The following KCNIP4 variants were observed in gnomAD, a reference collection of about 807,000 sequenced individuals.
KCNIP4 encodes Kv channel-interacting protein 4.
Under a neutral mutation model 34.0 loss-of-function variants are expected in KCNIP4, and 12 were observed. The ratio of observed to expected loss-of-function variants is 0.35; its 90% CI spans 0.23 to 0.57. The LOEUF is 0.57. Ranked by LOEUF, KCNIP4 falls within the 20% of genes least tolerant of loss-of-function variation. The probability of loss-of-function intolerance (pLI) is 0.83; values close to 1 mark genes in which losing one functional copy is unlikely to be tolerated. For missense variants in KCNIP4, 238 were observed against 311.7 expected (o/e 0.76, Z 1.78); for synonymous variants, 124 against 102.2 (o/e 1.21, Z -1.29).
chr4:20,732,183 T>A, intron 7 of KCNIP4, 115 bp from the exon 8 acceptor site: 1 of 708,824 alleles, frequency 1.4e-6, no homozygotes, highest in Non-Finnish European at 2.4e-6. Context: ...TTATTTCACG[T>A]GGAGGAACTG....
chr4:21,638,488 A>T (rs891926586), intron 1 of KCNIP4, among the ~76,000 whole-genome samples: 8 of 152,170 alleles, frequency 5.3e-5, no homozygotes, highest in Admixed American at 3.9e-4. Flanking sequence ...TGCCATTTCA[A>T]ATATTTTTAT....
At chr4:21,329,825 G>T (rs1715444042) in intron 1 of KCNIP4, among the ~76,000 whole-genome samples, 1 of 152,140 alleles carries the variant, frequency 6.6e-6, no homozygotes, top group South Asian at 2.1e-4. Flanking sequence ...GATAAGCATT[G>T]TTAGCCTAAT....
chr4:21,294,402 T>G (rs569577725), intron 1 of KCNIP4, among the ~76,000 whole-genome samples: 3 of 152,330 alleles, frequency 2.0e-5, no homozygotes, highest in African/African-American at 7.2e-5. Context: ...TTGGCATACC[T>G]ATTAGTTTTA....
At chr4:21,550,333 C>A (rs1738473149) in intron 1 of KCNIP4, among the ~76,000 whole-genome samples, 1 of 152,038 alleles carries the variant, frequency 6.6e-6, no homozygotes, top group Admixed American at 6.6e-5. Flanking sequence ...AAAACTTGAT[C>A]AGTCAAAGAG....
At chr4:21,077,349 C>T (rs569056376) in intron 1 of KCNIP4, among the ~76,000 whole-genome samples, 3 of 152,222 alleles carry the variant, frequency 2.0e-5, no homozygotes, top group Non-Finnish European at 2.9e-5. Context: ...GAAGAAGTTA[C>T]TACTCAGACT....
At chr4:20,848,506 A>G (rs1464620140) in intron 3 of KCNIP4, among the ~76,000 whole-genome samples, 1 of 151,594 alleles carries the variant, frequency 6.6e-6, no homozygotes, top group East Asian at 1.9e-4. Flanking sequence ...ACATAAAATA[A>G]AAAAAAATAA....
intron 1 of KCNIP4, among the ~76,000 whole-genome samples, chr4:21,396,119 A>G (rs954260860): frequency 2.4e-4 from 37 of 151,878 alleles, no homozygotes; most frequent in Admixed American, 2.2e-3. Context: ...TAGTCTATAT[A>G]TACATATATA....
chr4:21,721,828 T>C (rs1020936391), intron 1 of KCNIP4, among the ~76,000 whole-genome samples: 6 of 151,954 alleles, frequency 3.9e-5, no homozygotes, highest in African/African-American at 1.5e-4. Flanking sequence ...CCCGTCTCCA[T>C]AATAATACAC....
chr4:21,732,131 A>G (rs1187727810), intron 1 of KCNIP4, among the ~76,000 whole-genome samples: 2 of 151,896 alleles, frequency 1.3e-5, no homozygotes, highest in African/African-American at 4.8e-5. Flanking sequence ...TAAATTTTTA[A>G]AATATGTAAA....
chr4:21,175,116 C>A (rs1377779954), intron 1 of KCNIP4, among the ~76,000 whole-genome samples: 1 of 139,380 alleles, frequency 7.2e-6, no homozygotes, highest in African/African-American at 2.7e-5. Context: ...CCACTGGCTT[C>A]TTTTTTCTTA....
At chr4:21,307,010 C>T (rs778026905) in intron 1 of KCNIP4, among the ~76,000 whole-genome samples, 1 of 151,946 alleles carries the variant, frequency 6.6e-6, no homozygotes, top group Non-Finnish European at 1.5e-5. Flanking sequence ...TTAGTAGAGA[C>T]GGGGTTTCTC....
intron 1 of KCNIP4, among the ~76,000 whole-genome samples, chr4:21,289,065 T>C (rs1233895328): frequency 6.6e-6 from 1 of 152,218 alleles, no homozygotes; most frequent in East Asian, 1.9e-4. Flanking sequence ...AGTGTGCTTT[T>C]AGGGGGAAAT....
chr4:20,770,519 G>A (rs531181062), intron 3 of KCNIP4, among the ~76,000 whole-genome samples: 3 of 151,328 alleles, frequency 2.0e-5, no homozygotes, highest in South Asian at 2.1e-4. Flanking sequence ...AAAGAAACAC[G>A]CAGTGTTTCA....
chr4:21,864,018 C>T (rs1485763532), intron 1 of KCNIP4, among the ~76,000 whole-genome samples: 1 of 152,180 alleles, frequency 6.6e-6, no homozygotes, highest in Non-Finnish European at 1.5e-5. Flanking sequence ...TAATGTTTTT[C>T]CACGGTAGAA....
intron 1 of KCNIP4, among the ~76,000 whole-genome samples, chr4:21,141,504 C>G (rs1560758516): frequency 6.6e-6 from 1 of 151,968 alleles, no homozygotes; most frequent in Non-Finnish European, 1.5e-5. Flanking sequence ...GAAAAAGTGT[C>G]AGATATAATT....
At chr4:20,821,407 G>C (rs1717087653) in intron 3 of KCNIP4, among the ~76,000 whole-genome samples, 6 of 152,110 alleles carry the variant, frequency 3.9e-5, no homozygotes, top group Admixed American at 3.9e-4. Context: ...ACAACAATTT[G>C]CTTCAGAATG....
chr4:20,995,337 CA>C (rs1267437133), intron 1 of KCNIP4, among the ~76,000 whole-genome samples: 2 of 152,134 alleles, frequency 1.3e-5, no homozygotes, highest in Non-Finnish European at 1.5e-5. Flanking sequence ...ACAGTGCTGT[CA>C]GGGGCAATGA....
chr4:21,365,519 AAAT>A (rs1560332337), intron 1 of KCNIP4, among the ~76,000 whole-genome samples: 4 of 64,734 alleles, frequency 6.2e-5, no homozygotes, highest in African/African-American at 3.3e-4. Context: ...ATAAATAAAT[AAAT>A]AAAAAATAAA....
intron 1 of KCNIP4, among the ~76,000 whole-genome samples, chr4:21,230,098 G>T (rs545415903): frequency 6.6e-6 from 1 of 152,224 alleles, no homozygotes; most frequent in East Asian, 1.9e-4. Context: ...CTTATAAGGG[G>T]AGGGAGATTT....
Sources: gnomAD v4.1 joint callset for allele counts (sites outside exome capture counted in the v4.1 genomes callset) on GRCh38, gnomAD v4.1.1 for gene constraint, MANE v1.5 for transcripts, NCBI Gene and HGNC (gene_info 2026-07-23, HGNC 2026-07-21) for gene names.